The following OPCML variants were observed in gnomAD, a reference collection of about 807,000 sequenced individuals.
OPCML encodes opioid-binding protein/cell adhesion molecule.
A neutral mutation model predicts 37.8 loss-of-function variants in OPCML; 13 were observed. The observed-to-expected ratio is 0.34, with a 90% CI of 0.22 to 0.55. The LOEUF is 0.55. Among genes scored for constraint, OPCML ranks in the 20% least tolerant of loss-of-function variants. The pLI is 0.91. For missense variants in OPCML, 341 were observed against 435.6 expected (o/e 0.78, Z 1.93); for synonymous variants, 176 against 168.8 (o/e 1.04, Z -0.33).
At chr11:132,579,845 A>G (rs2096458690) in intron 3 of OPCML, among the ~76,000 whole-genome samples, 1 of 152,210 alleles carries the variant, frequency 6.6e-6, no homozygotes, top group African/African-American at 2.4e-5. Flanking sequence ...GTTATATCAA[A>G]GGGAGATTGT....
chr11:133,524,110 G>A (rs891854041), intron 1 of OPCML, among the ~76,000 whole-genome samples: 1 of 152,164 alleles, frequency 6.6e-6, no homozygotes, highest in Admixed American at 6.5e-5. Flanking sequence ...CATAGTATTT[G>A]TCACATAGTA....
intron 2 of OPCML, among the ~76,000 whole-genome samples, chr11:132,848,559 G>C (rs1440303907): frequency 6.6e-6 from 1 of 152,248 alleles, no homozygotes; most frequent in Admixed American, 6.5e-5. Context: ...GCTGAAAGCA[G>C]TCCTCCTACT....
At chr11:132,505,075 G>A (rs1591475549) in intron 4 of OPCML, among the ~76,000 whole-genome samples, 1 of 152,100 alleles carries the variant, frequency 6.6e-6, no homozygotes, top group African/African-American at 2.4e-5. Context: ...ATAACAGGTG[G>A]AAGCTAGAGA....
chr11:132,746,340 T>A (rs1945635333), intron 2 of OPCML, among the ~76,000 whole-genome samples: 1 of 152,180 alleles, frequency 6.6e-6, no homozygotes, highest in South Asian at 2.1e-4. Context: ...AGGGAAAATA[T>A]GGAACACCAC....
intron 3 of OPCML, among the ~76,000 whole-genome samples, chr11:132,564,673 C>T (rs1466119919): frequency 6.6e-6 from 1 of 152,076 alleles, no homozygotes; most frequent in Admixed American, 6.5e-5. Flanking sequence ...ATTTACACTG[C>T]TCCTAAGGGA....
chr11:132,420,516 A>T (rs2095954637), intron 7 of OPCML: 1 of 453,350 alleles, frequency 2.2e-6, no homozygotes, highest in Non-Finnish European at 2.9e-6. Flanking sequence ...GACTATGCTT[A>T]AAAAGTAAAT....
intron 3 of OPCML, among the ~76,000 whole-genome samples, chr11:132,626,966 A>C (rs1291213332): frequency 6.6e-6 from 1 of 151,668 alleles, no homozygotes; most frequent in Non-Finnish European, 1.5e-5. Flanking sequence ...TGATATATTC[A>C]AATGATGAAA....
chr11:133,516,231 T>C (rs1948268892), intron 1 of OPCML, among the ~76,000 whole-genome samples: 1 of 152,140 alleles, frequency 6.6e-6, no homozygotes, highest in Non-Finnish European at 1.5e-5. Context: ...AGAGGCTTCG[T>C]GTCAGTCTCC....
intron 4 of OPCML, among the ~76,000 whole-genome samples, chr11:132,446,064 C>T (rs954615896): frequency 9.7e-5 from 14 of 143,842 alleles, no homozygotes; most frequent in Admixed American, 3.5e-4. Flanking sequence ...CTTTCCAAAG[C>T]ACAGTGAAGA....
chr11:133,141,026 ACGACGACGAC>A lies in OPCML; in HGVS notation c.62-198026_62-198017del, dbSNP rs1949806600. Among the ~76,000 whole-genome samples the A allele has an allele frequency of 8.4e-5, 2 of 23,876 alleles. 1 individual carries two copies. Among genetic ancestry groups the A allele is most frequent in the African/African-American group, 1.5e-4 (2 of 13,078 alleles). 15.7% of individuals were successfully genotyped at this position (23,876 alleles called of 152,430 possible). A position where few individuals can be genotyped will look rare whatever the true frequency, so the allele number is the denominator to read the frequency against. ...GACGACGACGACGACGACGACGACG[ACGACGACGAC>A]GACGACGACGACGAAGAAGAAGAAG... On this transcript the variant is annotated intron_variant, in intron 1 of 7. Coordinates refer to ENST00000524381, the MANE Select transcript of OPCML (RefSeq NM_001012393.5).
intron 3 of OPCML, among the ~76,000 whole-genome samples, chr11:132,602,537 A>G (rs949842013): frequency 2.0e-5 from 3 of 152,216 alleles, no homozygotes; most frequent in African/African-American, 4.8e-5. Flanking sequence ...TCTCTCACAC[A>G]TACTGAGTAA....
intron 1 of OPCML, among the ~76,000 whole-genome samples, chr11:133,139,216 C>G (rs1223704631): frequency 6.6e-6 from 1 of 152,194 alleles, no homozygotes; most frequent in Non-Finnish European, 1.5e-5. Flanking sequence ...ATCAGCCTCC[C>G]TTCTATGAGT....
chr11:133,191,171 C>T (rs552624301), intron 1 of OPCML, among the ~76,000 whole-genome samples: 6 of 151,754 alleles, frequency 4.0e-5, no homozygotes, highest in Non-Finnish European at 8.8e-5. Flanking sequence ...TTTATTATGG[C>T]GAATGAGAGT....
intron 1 of OPCML, among the ~76,000 whole-genome samples, chr11:133,172,237 AG>A (rs1210616615): frequency 6.6e-6 from 1 of 152,222 alleles, no homozygotes; most frequent in Non-Finnish European, 1.5e-5. Context: ...TGAACATGAC[AG>A]TTACTGAATT....
At chr11:133,432,632 C>T (rs1946146866) in intron 1 of OPCML, among the ~76,000 whole-genome samples, 2 of 152,136 alleles carry the variant, frequency 1.3e-5, no homozygotes, top group Non-Finnish European at 2.9e-5. Flanking sequence ...TGTCTTTTCC[C>T]TTTCTTCTTC....
At chr11:132,667,251 A>G (rs1441468733) in intron 2 of OPCML, among the ~76,000 whole-genome samples, 1 of 152,170 alleles carries the variant, frequency 6.6e-6, no homozygotes, top group Non-Finnish European at 1.5e-5. Context: ...TTTTGCAAAT[A>G]TTTACTGAAT....
intron 2 of OPCML, among the ~76,000 whole-genome samples, chr11:132,935,952 T>C (rs1057251893): frequency 1.3e-5 from 2 of 152,184 alleles, no homozygotes; most frequent in Non-Finnish European, 1.5e-5. Context: ...AGTAACGGGA[T>C]AGTACAACAT....
intron 1 of OPCML, among the ~76,000 whole-genome samples, chr11:133,077,283 G>C (rs1948636268): frequency 6.6e-6 from 1 of 151,816 alleles, no homozygotes; most frequent in African/African-American, 2.4e-5. Context: ...CCGTGACTTG[G>C]AGCTCATCAC....
At chr11:133,309,793 G>C (rs1292577259) in intron 1 of OPCML, among the ~76,000 whole-genome samples, 1 of 152,170 alleles carries the variant, frequency 6.6e-6, no homozygotes, top group Non-Finnish European at 1.5e-5. Flanking sequence ...GAGGACAGGG[G>C]AGCAGAATCC....
Sources: allele counts gnomAD v4.1 joint callset (sites outside exome capture counted in the v4.1 genomes callset), GRCh38; gene constraint gnomAD v4.1.1; transcripts MANE v1.5; gene names NCBI Gene and HGNC (gene_info 2026-07-23, HGNC 2026-07-21).